Variants in PDZD9 observed in about 807,000 individuals in gnomAD.
PDZD9 encodes the protein PDZ domain-containing protein 9.
PDZD9 carries 13 observed loss-of-function variants against 16.3 expected under a neutral mutation model. The ratio of observed to expected loss-of-function variants is 0.80; its 90% CI spans 0.52 to 1.27. The LOEUF is 1.27. Among genes scored for constraint, PDZD9 ranks in the 50% most tolerant of loss-of-function variants. The pLI, the probability that PDZD9 is intolerant of heterozygous loss-of-function variation, is 0.00. For synonymous variants in PDZD9, 120 were observed against 111.0 expected (o/e 1.08, Z -0.51); for missense variants, 288 against 310.9 (o/e 0.93, Z 0.55).
chr16:21,985,300 A>T (rs948451040), intron 3 of PDZD9, among the ~76,000 whole-genome samples: 3 of 151,624 alleles, frequency 2.0e-5, no homozygotes, highest in African/African-American at 4.8e-5. Flanking sequence ...ATTTTTATTT[A>T]TTTTTATTTA....
At chr16:21,961,307 G>A in the PDZD9 span, 335 of 447,410 alleles carry the variant, frequency 7.5e-4, 4 homozygotes, top group African/African-American at 6.3e-3. Context: ...GACTGGAAAC[G>A]ATCTAAGTGT....
rs1388869412 is a variant in PDZD9 at position 21,996,537 on chromosome 16, C to A, written c.32-36G>T. 3 of 1,507,022 alleles carry A rather than the reference C, an allele frequency of 2.0e-6. No individual in the cohort carries two copies. The African/African-American group carries it at 4.1e-5, about 21-fold the overall frequency. The allele number at this position is 1,507,022 out of a possible 1,614,324, so 93.4% of individuals were successfully genotyped here. A position where few individuals can be genotyped will look rare whatever the true frequency, so the allele number is the denominator to read the frequency against. ...GAGGGGAACTTATTTCAGTCCTTCA[C>A]CAAGACAGAAGCATGGCCATACCTA... On this transcript the variant is annotated intron_variant, in intron 1 of 3. Transcript: ENST00000424898.
At chr16:22,000,000 C>T (rs938192655) in intron 1 of PDZD9, among the ~76,000 whole-genome samples, 4 of 151,926 alleles carry the variant, frequency 2.6e-5, no homozygotes, top group African/African-American at 4.8e-5. Flanking sequence ...AAGATCATGC[C>T]GCTGCACTCT....
chr16:21,998,410 A>C (rs187907876), intron 1 of PDZD9: 1 of 176,492 alleles, frequency 5.7e-6, no homozygotes, highest in African/African-American at 2.4e-5. Context: ...AACAAAAAAA[A>C]CTTTGTGCAA....
At chr16:21,983,676 C>T (rs1256052011), downstream of PDZD9, 1 of 156,404 alleles carries the variant, frequency 6.4e-6, no homozygotes, top group Non-Finnish European at 1.4e-5. Flanking sequence ...TATTCCCATT[C>T]ATTCATTTTT....
intron 1 of PDZD9, chr16:21,998,851 G>A (rs1899218821): frequency 6.0e-6 from 1 of 166,760 alleles, no homozygotes; most frequent in African/African-American, 2.4e-5. Context: ...AGATTTTCTT[G>A]GAGCAAGTAA....
At chr16:21,982,031 G>A (rs974504503), downstream of PDZD9, among the ~76,000 whole-genome samples, 7 of 151,546 alleles carry the variant, frequency 4.6e-5, no homozygotes, top group Non-Finnish European at 7.4e-5. Context: ...TAGTAGAGAC[G>A]GGGTTTTACC....
downstream of PDZD9, chr16:21,980,690 A>T: frequency 6.2e-7 from 1 of 1,613,026 alleles, no homozygotes; most frequent in Non-Finnish European, 8.5e-7. Context: ...GCTAATGCTG[A>T]TATCATAAAT....
At chr16:21,958,263 C>CT in the PDZD9 span, among the ~76,000 whole-genome samples, 12 of 152,050 alleles carry the variant, frequency 7.9e-5, no homozygotes, top group Non-Finnish European at 1.3e-4. Flanking sequence ...AAAATTAACT[C>CT]TTTTTTTCCC....
chr16:21,978,506 C>T, the PDZD9 span, among the ~76,000 whole-genome samples: 1 of 152,164 alleles, frequency 6.6e-6, no homozygotes, highest in Non-Finnish European at 1.5e-5. Context: ...AAGACCTGTA[C>T]TGCCCTTCCC....
chr16:21,983,934 A>C lies in PDZD9; in HGVS notation c.*333T>G, dbSNP rs1898801029. Reference sequence around the variant, plus strand: ...AAAAAAAGAGAGAAACTAAATATTTAAAGAAAAATGTAGTGTTTACATAAA... The same window carrying C: ...AAAAAAAGAGAGAAACTAAATATTTCAAGAAAAATGTAGTGTTTACATAAA... On this transcript the variant is annotated 3_prime_UTR_variant, in exon 4 of 4. Transcript: ENST00000424898. 1 of 175,280 alleles carries C rather than the reference A, an allele frequency of 5.7e-6. No individual in the cohort carries two copies. The highest frequency in any genetic ancestry group is 1.2e-5 in the Non-Finnish European group (1 of 84,080). 10.9% of individuals were successfully genotyped at this position (175,280 alleles called of 1,614,324 possible).
chr16:22,000,825 AATGATGATG>A lies in PDZD9; in HGVS notation c.31+183_31+191del, dbSNP rs10611346. Among the ~76,000 whole-genome samples, 964 of 140,574 alleles carry A rather than the reference AATGATGATG, an allele frequency of 6.9e-3. 9 individuals carry two copies. The highest frequency in any genetic ancestry group is 0.038 in the East Asian group (182 of 4,736). 92.2% of individuals were successfully genotyped at this position (140,574 alleles called of 152,430 possible). ...GGGGACAAAGCAAGACTCCTTCTCA[AATGATGATG>A]ATGATGATGATGATGATGATGATGA... On this transcript the variant is annotated intron_variant, in intron 1 of 3. Transcript: ENST00000424898.
the PDZD9 span, chr16:21,957,706 C>G: frequency 7.9e-7 from 1 of 1,264,674 alleles, no homozygotes; most frequent in Non-Finnish European, 1.1e-6. Context: ...GTAGCTTAAA[C>G]CAAATAAGTT....
intron 2 of PDZD9, among the ~76,000 whole-genome samples, chr16:21,994,487 A>G (rs1899097764): frequency 6.6e-6 from 1 of 152,236 alleles, no homozygotes; most frequent in African/African-American, 2.4e-5. Flanking sequence ...TCATTCACCC[A>G]AAGACACGAG....
chr16:21,967,822 A>G, the PDZD9 span, among the ~76,000 whole-genome samples: 2 of 152,120 alleles, frequency 1.3e-5, no homozygotes, highest in African/African-American at 4.8e-5. Context: ...TCAAAGATGG[A>G]CGAGAAGGGT....
At chr16:21,980,540 TG>T, downstream of PDZD9, 1 of 1,609,200 alleles carries the variant, frequency 6.2e-7, no homozygotes. Context: ...TGCCTTTTAT[TG>T]GACAGGAACA....
chr16:21,964,923 A>G, the PDZD9 span, among the ~76,000 whole-genome samples: 1 of 152,242 alleles, frequency 6.6e-6, no homozygotes, highest in African/African-American at 2.4e-5. Context: ...AAGCAGGGAA[A>G]GCACCAAGCA....
chr16:21,964,928 C>G, the PDZD9 span, among the ~76,000 whole-genome samples: 1 of 152,192 alleles, frequency 6.6e-6, no homozygotes, highest in South Asian at 2.1e-4. Context: ...GGGAAAGCAC[C>G]AAGCACCACA....
intron 2 of PDZD9, among the ~76,000 whole-genome samples, chr16:21,989,749 A>G (rs779567372): frequency 2.6e-5 from 4 of 152,210 alleles, no homozygotes; most frequent in Non-Finnish European, 4.4e-5. Context: ...AGGATAAGGA[A>G]AGAAACAAGA....
Sources: gnomAD v4.1 joint callset for allele counts (sites outside exome capture counted in the v4.1 genomes callset) on GRCh38, gnomAD v4.1.1 for gene constraint, MANE v1.5 for transcripts, NCBI Gene and HGNC (gene_info 2026-07-23, HGNC 2026-07-21) for gene names.